The following NTM variants were observed in gnomAD, a reference collection of about 807,000 sequenced individuals.
NTM encodes the protein IgLON family member 2.
A neutral mutation model predicts 42.1 loss-of-function variants in NTM; 13 were observed. The ratio of observed to expected loss-of-function variants is 0.31; its 90% confidence interval spans 0.20 to 0.49. NTM has a LOEUF of 0.49. NTM is among the 20% of genes least tolerant of loss of function. The probability of loss-of-function intolerance (pLI) is 0.99; values close to 1 mark genes in which losing one functional copy is unlikely to be tolerated. For synonymous variants in NTM, 187 were observed against 179.2 expected (o/e 1.04, Z -0.35); for missense variants, 373 against 452.8 (o/e 0.82, Z 1.60).
At position 132,247,965 on chromosome 11, in the gene NTM, C is replaced by T. The variant is rs368901729; in HGVS notation, c.526+35818C>T. Among the ~76,000 whole-genome samples, 9 of 152,268 alleles carry T rather than the reference C, an allele frequency of 5.9e-5. No homozygotes were observed. In the East Asian group the frequency reaches 1.7e-3, roughly 29 times the overall value. ...CTTAAATCCTTGGATTTTCCAAGAG[C>T]CTCACCTTCTCTCCACAGGCCCTAG... is the stretch of plus-strand genomic sequence containing the variant. On this transcript the variant is annotated intron_variant, in intron 4 of 8. Transcript: ENST00000683400.
chr11:132,036,847 A>G (rs1487312991), intron 2 of NTM, among the ~76,000 whole-genome samples: 1 of 152,266 alleles, frequency 6.6e-6, no homozygotes, highest in Admixed American at 6.5e-5. Context: ...TGGATTCCTA[A>G]TCCTTGGGAA....
intron 2 of NTM, among the ~76,000 whole-genome samples, chr11:131,986,094 T>C (rs78038381): frequency 0.016 from 2,480 of 152,364 alleles, 69 homozygotes; most frequent in African/African-American, 0.057. Flanking sequence ...TCTTTGGATC[T>C]GATTTTTCTT....
At chr11:132,220,169 G>A (rs561106717) in intron 4 of NTM, among the ~76,000 whole-genome samples, 2 of 152,280 alleles carry the variant, frequency 1.3e-5, no homozygotes, top group Admixed American at 6.5e-5. Flanking sequence ...AGAGCATTAG[G>A]TTCAATATAT....
chr11:132,061,485 G>T (rs2080663648), intron 2 of NTM, among the ~76,000 whole-genome samples: 1 of 152,200 alleles, frequency 6.6e-6, no homozygotes, highest in Admixed American at 6.5e-5. Context: ...AATAGAGTGT[G>T]TGGCTAATGA....
At chr11:131,783,256 A>G (rs1395451703) in intron 1 of NTM, among the ~76,000 whole-genome samples, 1 of 152,158 alleles carries the variant, frequency 6.6e-6, no homozygotes, top group Admixed American at 6.5e-5. Flanking sequence ...TTAGAAATGA[A>G]TTTTTAAAGA....
chr11:132,088,187 AC>A (rs1265389810), intron 2 of NTM, among the ~76,000 whole-genome samples: 1 of 152,186 alleles, frequency 6.6e-6, no homozygotes, highest in African/African-American at 2.4e-5. Flanking sequence ...GAAGGAAAAT[AC>A]CATAGAAAAT....
chr11:132,104,494 C>A (rs7105319), intron 2 of NTM, among the ~76,000 whole-genome samples: 106,914 of 151,274 alleles, frequency 0.71, 38,441 homozygotes, highest in African/African-American at 0.77. Context: ...ACTCACATCT[C>A]TAATTCCAGC....
intron 2 of NTM, among the ~76,000 whole-genome samples, chr11:132,067,762 C>T (rs1460890416): frequency 6.6e-6 from 1 of 152,200 alleles, no homozygotes; most frequent in East Asian, 1.9e-4. Context: ...ATTCTGGGCT[C>T]TGGTTCCAAA....
At chr11:131,582,235 G>A (rs1336874914) in intron 1 of NTM, 1 of 152,148 alleles carries the variant, frequency 6.6e-6, no homozygotes, top group Non-Finnish European at 1.5e-5. Flanking sequence ...TGTTTTAAAT[G>A]AACATCAAGA....
intron 1 of NTM, among the ~76,000 whole-genome samples, chr11:131,530,418 C>G (rs1486794331): frequency 7.6e-6 from 1 of 132,320 alleles, no homozygotes; most frequent in Non-Finnish European, 1.5e-5. Context: ...AAGTTGAGTG[C>G]CTTTCTCAAA....
At chr11:131,889,803 C>A (rs2050979643) in intron 1 of NTM, among the ~76,000 whole-genome samples, 1 of 152,162 alleles carries the variant, frequency 6.6e-6, no homozygotes, top group Admixed American at 6.5e-5. Context: ...AGGCATGGAG[C>A]ACTGTAGCGC....
intron 2 of NTM, among the ~76,000 whole-genome samples, chr11:132,026,923 C>T (rs1463981968): frequency 6.6e-6 from 1 of 152,214 alleles, no homozygotes; most frequent in Middle Eastern, 3.2e-3. Flanking sequence ...CATGTTCCTT[C>T]TGTCCTTCCG....
chr11:131,470,705 A>G lies in NTM; in HGVS notation c.82+99817A>G, dbSNP rs75677163. The stretch of plus-strand genomic sequence containing the variant: ...GGACATGCTCTCTTGGCTCACAGGC[A>G]CATGAGCAGGTCAGACCGTGAAAGC... On this transcript the variant is annotated intron_variant, in intron 1 of 8. Coordinates refer to ENST00000683400, the MANE Select transcript of NTM (RefSeq NM_001352005.2). Among the ~76,000 whole-genome samples, 1,284 of 152,308 alleles carry G rather than the reference A, an allele frequency of 8.4e-3. 21 individuals carry two copies. The highest frequency in any genetic ancestry group is 0.029 in the African/African-American group (1,206 of 41,568).
chr11:131,757,677 T>G (rs2135764960), intron 1 of NTM, among the ~76,000 whole-genome samples: 1 of 152,346 alleles, frequency 6.6e-6, no homozygotes, highest in South Asian at 2.1e-4. Flanking sequence ...GAGTTGAAGT[T>G]AAATCCTCAG....
intron 1 of NTM, among the ~76,000 whole-genome samples, chr11:131,603,241 T>C (rs2060640781): frequency 6.6e-6 from 1 of 152,022 alleles, no homozygotes; most frequent in African/African-American, 2.4e-5. Context: ...GTCCTCTCCA[T>C]CCCTCCAACA....
At chr11:132,198,142 C>A (rs1248253755) in intron 3 of NTM, among the ~76,000 whole-genome samples, 1 of 152,168 alleles carries the variant, frequency 6.6e-6, no homozygotes, top group Non-Finnish European at 1.5e-5. Context: ...TTATTATTTG[C>A]ATTTTGAAAA....
intron 4 of NTM, among the ~76,000 whole-genome samples, chr11:132,244,481 A>T (rs1017194811): frequency 1.3e-5 from 2 of 152,168 alleles, no homozygotes; most frequent in Non-Finnish European, 2.9e-5. Context: ...CTTCATTTTA[A>T]ATGTGTACCC....
intron 1 of NTM, among the ~76,000 whole-genome samples, chr11:131,776,583 T>A (rs964796504): frequency 1.5e-5 from 2 of 136,830 alleles, no homozygotes; most frequent in Non-Finnish European, 3.3e-5. Flanking sequence ...ATTTTAGACA[T>A]TTTTTTTTTT....
chr11:132,222,673 G>C (rs2085408657), intron 4 of NTM, among the ~76,000 whole-genome samples: 1 of 152,106 alleles, frequency 6.6e-6, no homozygotes, highest in Admixed American at 6.6e-5. Context: ...CCGGAGTCCT[G>C]AAGATGTGGC....
Sources: allele counts gnomAD v4.1 joint callset (sites outside exome capture counted in the v4.1 genomes callset), GRCh38; gene constraint gnomAD v4.1.1; transcripts MANE v1.5; gene names NCBI Gene and HGNC (gene_info 2026-07-23, HGNC 2026-07-21).